MROH2A: variants seen among roughly 807,000 people sequenced by gnomAD.
MROH2A encodes maestro heat like repeat family member 2A, also known as maestro heat-like repeat-containing protein family member 2A.
Under a neutral mutation model 200.4 loss-of-function variants are expected in MROH2A, and 174 were observed. That is an observed-to-expected ratio of 0.87 (90% CI 0.77 to 0.98). The LOEUF (loss-of-function observed/expected upper bound fraction) is 0.98, where lower values mean the gene tolerates loss of function less well. Ranked by LOEUF, MROH2A falls within the 50% of genes least tolerant of loss-of-function variation. MROH2A has a pLI of 0.00. For missense variants in MROH2A, 2,045 were observed against 2,139.6 expected, an observed-to-expected ratio of 0.96 and a Z score of 0.87; for synonymous variants, 829 against 840.4, an observed-to-expected ratio of 0.99 and a Z score of 0.23.
intron 39 of MROH2A, 50 bp downstream of exon 39, chr2:233,831,590 G>A: frequency 6.5e-7 from 1 of 1,532,096 alleles, no homozygotes. Context: ...CCACACGCTG[G>A]CTTGGAGCTG....
chr2:233,811,885 C>T lies in MROH2A; in HGVS notation c.2577C>T (p.Val859=). 6.5e-7 allele frequency: 1 copy of T among 1,550,002 alleles called. No homozygotes were observed. Among genetic ancestry groups the T allele is most frequent in the Non-Finnish European group, 8.7e-7 (1 of 1,146,598 alleles). ...KTTLTSIIVA[V]IKAEPTDNLV... is the part of the protein sequence containing the mutation. ...CCCCTGCTTGTGTTGGACAGGCGGT[C>T]ATCAAGGCAGAACCGACTGACAACC... The change falls in exon 24 of 42, where the codon GTC becomes GTT. Residue 859 remains valine, a synonymous_variant. Transcript: ENST00000389758.
At chr2:233,817,939 T>C (rs1703654968) in intron 27 of MROH2A, 63 bp from the exon 28 acceptor site, 2 of 1,543,666 alleles carry the variant, frequency 1.3e-6, no homozygotes, top group Non-Finnish European at 1.7e-6. Context: ...ACACTGCCCC[T>C]GGGCAGCCCC....
chr2:233,824,966 T>C (rs775206890), intron 35 of MROH2A, among the ~76,000 whole-genome samples: 1 of 152,250 alleles, frequency 6.6e-6, no homozygotes, highest in African/African-American at 2.4e-5. Flanking sequence ...GCATGGAATA[T>C]TTTTCCATTT....
At chr2:233,786,242 A>G (rs1701204270) in intron 3 of MROH2A, among the ~76,000 whole-genome samples, 1 of 152,128 alleles carries the variant, frequency 6.6e-6, no homozygotes, top group Non-Finnish European at 1.5e-5. Context: ...CTTTTTCTTT[A>G]TAAATTACCC....
At chr2:233,799,730 C>A (rs1279208602) in intron 12 of MROH2A, 50 bp from the exon 13 acceptor site, 73 of 1,547,104 alleles carry the variant, frequency 4.7e-5, no homozygotes, top group Non-Finnish European at 6.0e-5. Flanking sequence ...GGATTGGGTG[C>A]CTTGGAGCCC....
intron 5 of MROH2A, among the ~76,000 whole-genome samples, chr2:233,791,329 G>A (rs1396912404): frequency 6.6e-6 from 1 of 152,150 alleles, no homozygotes; most frequent in Non-Finnish European, 1.5e-5. Flanking sequence ...GGTGACAGGT[G>A]GGAAGGGGCT....
At position 233,807,781 on chromosome 2, in the gene MROH2A, G is replaced by A. The variant is rs1288246344; in HGVS notation, c.2221G>A (p.Val741Met). ...GLCARGQVKT[V>M]LNVLHDFEER... is the part of the protein sequence containing the mutation. ...GTGTGCCCGGGGCCAGGTAAAAACG[G>A]TGCTGAATGTGCTTCATGACTTCGA... Residue 741 changes from valine (V) to methionine (M), a missense_variant, in exon 21 of 42, where the codon GTG (valine) becomes ATG (methionine). Physicochemically the swap from Val to Met is conservative, Grantham distance 21. Around this residue, in one of 3 missense-constraint regions of MROH2A, gnomAD observed 1,201 missense variants for 1,311.3 expected, o/e 0.92. Transcript: ENST00000389758. This position sits in a 1 kb window ranked among gnomAD's most constrained non-coding sequence, Gnocchi z 4.3. 4.5e-6 allele frequency: 7 copies of A among 1,550,808 alleles called. No individual in the cohort carries two copies. The highest frequency in any genetic ancestry group is 1.7e-4 in the Middle Eastern group (1 of 5,992).
chr2:233,832,687 A>G, intron 41 of MROH2A, 43 bp downstream of exon 41: 5 of 1,390,944 alleles, frequency 3.6e-6, no homozygotes, highest in Non-Finnish European at 5.0e-6. Flanking sequence ...ACGACTCACC[A>G]ACTCACTAGG....
intron 13 of MROH2A, 36 bp from the exon 14 acceptor site, chr2:233,800,169 G>C (rs1297414907): frequency 6.9e-7 from 1 of 1,453,422 alleles, no homozygotes; most frequent in African/African-American, 1.4e-5. Flanking sequence ...ACCTCTGCTA[G>C]GCCACAGGTG....
chr2:233,822,126 A>C lies in MROH2A; in HGVS notation c.3515A>C (p.His1172Pro). The change falls in exon 32 of 42, where the codon CAC (histidine) becomes CCC (proline). Residue 1172 changes from histidine to proline, a missense_variant and splice_region_variant. Physicochemically the swap from His to Pro is moderately conservative, Grantham distance 77. Transcript: ENST00000389758. The part of the protein sequence containing the change: ...LLRQPLPMES[H>P]LAEVWLAVSE... ...CCTTGTGCCCTGACTTTGGTTAGCC[A>C]CCTGGCAGAGGTGTGGCTGGCAGTG... The C allele has an allele frequency of 3.2e-6, 5 of 1,548,388 alleles. No individual in the cohort carries two copies. The highest frequency in any genetic ancestry group is 1.4e-5 in the African/African-American group (1 of 73,136).
Position 233,793,821 on chromosome 2 carries a change from C to T in MROH2A, c.819C>T (p.Pro273=), listed in dbSNP as rs1037605492. The part of the protein sequence containing the change: ...FVTVWLRHYN[P]EVKLGVIKSL... ...CAGTGTGGCTGAGGCACTACAACCC[C>T]GAGGTGAGATGCACCCCTCTTAGGA... Residue 273 remains proline (P), a synonymous_variant, in exon 7 of 42, where the codon CCC becomes CCT. Transcript: ENST00000389758. The T allele has an allele frequency of 1.8e-5, 26 of 1,415,156 alleles. No individual in the cohort carries two copies. Among genetic ancestry groups the T allele is most frequent in the African/African-American group, 4.4e-5 (3 of 67,704 alleles). 87.7% of individuals were successfully genotyped at this position (1,415,156 alleles called of 1,614,324 possible).
In MROH2A at chr2:233,793,606, C is replaced by T. The variant is rs1055547278; in HGVS notation, c.671-67C>T. The T allele has an allele frequency of 9.9e-6, 13 of 1,312,280 alleles. No individual in the cohort carries two copies. In the East Asian group the frequency reaches 4.0e-4, roughly 41 times the overall value. The allele number at this position is 1,312,280 out of a possible 1,614,324, so 81.3% of individuals were successfully genotyped here. A position where few individuals can be genotyped will look rare whatever the true frequency, so the allele number is the denominator to read the frequency against. On this transcript the variant is annotated intron_variant, in intron 6 of 41. Transcript: ENST00000389758. Reference sequence around the variant, plus strand: ...GAGCACTTCCACTCGGGAAGCTGGGCTGGGAAGGCTTGGTTCTGCTTCCAG... The same window carrying T: ...GAGCACTTCCACTCGGGAAGCTGGGTTGGGAAGGCTTGGTTCTGCTTCCAG...
Position 233,807,429 on chromosome 2 carries a change from C to G in MROH2A, c.2059C>G (p.Leu687Val). ...FDSPSLEKGF[L>V]YRALGFTLAT... The stretch of plus-strand genomic sequence containing the variant: ...CTCCCTTCTGCCTCTCCAGGGCTTT[C>G]TGTACCGGGCCTTGGGCTTCACCTT... The change falls in exon 20 of 42, where the codon CTG (leucine) becomes GTG (valine). Residue 687 changes from leucine (L) to valine (V), a missense_variant. Leu to Val is a conservative substitution (Grantham distance 32). Transcript: ENST00000389758. This position sits in a 1 kb window ranked among gnomAD's most constrained non-coding sequence, Gnocchi z 4.3. 6.5e-7 allele frequency: 1 copy of G among 1,550,216 alleles called. No homozygotes were observed. The highest frequency in any genetic ancestry group is 8.7e-7 in the Non-Finnish European group (1 of 1,146,792).
chr2:233,802,690 T>C (rs1702545924), intron 15 of MROH2A, among the ~76,000 whole-genome samples: 1 of 152,164 alleles, frequency 6.6e-6, no homozygotes, highest in Admixed American at 6.5e-5. Flanking sequence ...CCATCCTCTG[T>C]AGACTACCCT....
intron 3 of MROH2A, among the ~76,000 whole-genome samples, chr2:233,781,498 G>A (rs560941557): frequency 6.6e-5 from 10 of 152,242 alleles, no homozygotes; most frequent in African/African-American, 2.4e-4. Context: ...GTGAGGTTGA[G>A]CATTTTTTTA....
rs1206275114 is a variant in MROH2A, at chr2:233,823,641, C to T, written c.4090C>T (p.Arg1364Cys). Reference protein sequence around the residue: ...RGMDSEVLSCRISSTAVCFMS... With the variant: ...RGMDSEVLSCCISSTAVCFMS... ...CATGGACTCAGAAGTCCTGAGCTGC[C>T]GCATCAGCAGCACAGCGGTCTGCGT... The change falls in exon 35 of 42, where the codon CGC (arginine) becomes TGC (cysteine). Residue 1364 changes from arginine to cysteine, a missense_variant. Around this residue, in one of 3 missense-constraint regions of MROH2A, gnomAD observed 1,201 missense variants for 1,311.3 expected, o/e 0.92. Coordinates refer to ENST00000389758, the MANE Select transcript of MROH2A (RefSeq NM_001394639.1). 17 of 1,550,316 alleles carry T rather than the reference C, an allele frequency of 1.1e-5. No individual in the cohort carries two copies. Among genetic ancestry groups the T allele is most frequent in the East Asian group, 2.4e-5 (1 of 40,926 alleles).
chr2:233,811,923 T>TG lies in MROH2A; in HGVS notation c.2616dup (p.Arg873AlafsTer25). The TG allele has an allele frequency of 6.4e-7, 1 of 1,550,392 alleles. No individual in the cohort carries two copies. Among genetic ancestry groups the TG allele is most frequent in the South Asian group, 1.2e-5 (1 of 84,054 alleles). On this transcript the variant is annotated frameshift_variant, in exon 24 of 42. Transcript: ENST00000389758. LOFTEE classifies it high-confidence loss of function. ...CCGACTGACAACCTGGTTTCTCCAG[T>TG]GCGAGCCTTGGCGATGGAGGCCCTC...
chr2:233,813,621 G>A, intron 24 of MROH2A, 49 bp from the exon 25 acceptor site: 1 of 1,205,786 alleles, frequency 8.3e-7, no homozygotes, highest in Non-Finnish European at 1.2e-6. Flanking sequence ...GGCAGCAGAA[G>A]CTCAACTCCC....
At chr2:233,832,380 G>A in intron 40 of MROH2A, 101 bp downstream of exon 40, 4 of 1,059,130 alleles carry the variant, frequency 3.8e-6, no homozygotes, top group Non-Finnish European at 5.4e-6. Flanking sequence ...GAGGCATGTG[G>A]CAAGCTGAGA....
Sources: allele counts gnomAD v4.1 joint callset (sites outside exome capture counted in the v4.1 genomes callset), GRCh38; gene constraint gnomAD v4.1.1; regional missense constraint gnomAD v4.1.1; non-coding constraint Gnocchi (gnomAD v3.1); transcripts MANE v1.5; gene names NCBI Gene and HGNC (gene_info 2026-07-23, HGNC 2026-07-21).